Variants in ZDHHC2 observed in about 807,000 individuals in gnomAD.
The protein encoded by ZDHHC2 is zDHHC palmitoyltransferase 2, also known as palmitoyltransferase ZDHHC2.
ZDHHC2 carries 51 observed loss-of-function variants against 55.6 expected under a neutral mutation model. The ratio of observed to expected loss-of-function variants is 0.92; its 90% CI spans 0.73 to 1.16. ZDHHC2 has a LOEUF of 1.16. Ranked by LOEUF, ZDHHC2 falls within the 50% of genes most tolerant of loss-of-function variation. The pLI, the probability that ZDHHC2 is intolerant of heterozygous loss-of-function variation, is 0.00. For synonymous variants in ZDHHC2, 199 were observed against 152.9 expected (o/e 1.30, Z -2.22); for missense variants, 491 against 442.4 (o/e 1.11, Z -0.99).
At chr8:17,195,719 C>T (rs2150922441) in intron 4 of ZDHHC2, 95 bp downstream of exon 4, 3 of 1,475,694 alleles carry the variant, frequency 2.0e-6, no homozygotes, top group East Asian at 2.3e-5. Context: ...AATGGTAAAA[C>T]ACTCATTTCA....
chr8:17,164,144 T>C (rs963481707), intron 1 of ZDHHC2, among the ~76,000 whole-genome samples: 2 of 152,208 alleles, frequency 1.3e-5, no homozygotes, highest in Non-Finnish European at 2.9e-5. Flanking sequence ...TTCAAAATGA[T>C]AATATCACAC....
intron 1 of ZDHHC2, among the ~76,000 whole-genome samples, chr8:17,178,872 CTG>C (rs1307935985): frequency 2.6e-5 from 4 of 152,196 alleles, no homozygotes; most frequent in Admixed American, 6.6e-5. Flanking sequence ...TAACAAAAAA[CTG>C]TCACTCTTAT....
chr8:17,189,422 C>T (rs1397298237), intron 3 of ZDHHC2, among the ~76,000 whole-genome samples: 1 of 152,218 alleles, frequency 6.6e-6, no homozygotes, highest in Non-Finnish European at 1.5e-5. Flanking sequence ...ATGTAGGTTC[C>T]ATAAGGGCGT....
chr8:17,182,648 C>CAAT (rs146871176), intron 1 of ZDHHC2, among the ~76,000 whole-genome samples: 31 of 151,404 alleles, frequency 2.0e-4, no homozygotes, highest in Middle Eastern at 6.9e-3. Context: ...CTGTGAATGG[C>CAAT]AATAATAATA....
intron 1 of ZDHHC2, among the ~76,000 whole-genome samples, chr8:17,158,311 C>T (rs368909269): frequency 6.6e-6 from 1 of 152,190 alleles, no homozygotes; most frequent in African/African-American, 2.4e-5. Flanking sequence ...TGTTTCATTC[C>T]TTCGTCCTCT....
chr8:17,203,561 G>C (rs1028630524), intron 6 of ZDHHC2, among the ~76,000 whole-genome samples: 9 of 152,024 alleles, frequency 5.9e-5, no homozygotes, highest in Admixed American at 6.5e-5. Context: ...AAAGCACCCA[G>C]CTTTTGCCTA....
intron 11 of ZDHHC2, 37 bp from the exon 12 acceptor site, chr8:17,217,135 A>G: frequency 6.2e-7 from 1 of 1,603,546 alleles, no homozygotes; most frequent in East Asian, 2.2e-5. Flanking sequence ...TTTGTTCAAA[A>G]GCAACCAAAA....
intron 1 of ZDHHC2, chr8:17,162,674 A>T (rs903600359): frequency 1.3e-5 from 2 of 152,208 alleles, no homozygotes; most frequent in African/African-American, 4.8e-5. Context: ...CAAGAAAAAA[A>T]ACAGCCTCTG....
At chr8:17,187,185 A>G (rs915277980) in intron 3 of ZDHHC2, among the ~76,000 whole-genome samples, 1 of 152,330 alleles carries the variant, frequency 6.6e-6, no homozygotes, top group African/African-American at 2.4e-5. Flanking sequence ...CTGAGAGACA[A>G]CTAGCAATCT....
At chr8:17,191,527 T>A (rs1449285691) in intron 3 of ZDHHC2, among the ~76,000 whole-genome samples, 1 of 152,246 alleles carries the variant, frequency 6.6e-6, no homozygotes, top group Non-Finnish European at 1.5e-5. Flanking sequence ...TTTAGTTGTT[T>A]TAATTTTTAG....
intron 6 of ZDHHC2, among the ~76,000 whole-genome samples, chr8:17,202,162 C>G (rs1166011808): frequency 1.3e-5 from 2 of 152,184 alleles, no homozygotes; most frequent in Non-Finnish European, 2.9e-5. Flanking sequence ...CGGTTATGTT[C>G]TAGAGGCCAT....
rs756755761 is a variant in ZDHHC2, at chr8:17,156,716, G to T, written c.-8G>T. The T allele has an allele frequency of 1.4e-6, 2 of 1,465,866 alleles. No homozygotes were observed. The highest frequency in any genetic ancestry group is 1.8e-6 in the Non-Finnish European group (2 of 1,106,034). 90.8% of individuals were successfully genotyped at this position (1,465,866 alleles called of 1,614,324 possible). On this transcript the variant is annotated 5_prime_UTR_variant, in exon 1 of 13. Coordinates refer to ENST00000262096, the MANE Select transcript of ZDHHC2 (RefSeq NM_016353.5). ...CGGCGGAGCTGGGCAGGTGGATGCG[G>T]CTGGAAGATGGCGCCCTCGGGCCCG...
intron 1 of ZDHHC2, among the ~76,000 whole-genome samples, chr8:17,168,392 G>T (rs1804704865): frequency 1.3e-5 from 2 of 152,304 alleles, no homozygotes; most frequent in South Asian, 4.1e-4. Flanking sequence ...GAAGTGACCA[G>T]AGGTGAGAAA....
chr8:17,209,888 A>AAT, intron 8 of ZDHHC2, 44 bp from the exon 9 acceptor site: 1 of 1,555,064 alleles, frequency 6.4e-7, no homozygotes, highest in African/African-American at 1.4e-5. Flanking sequence ...ATTGCTAGTA[A>AAT]ATATGTTCTT....
intron 11 of ZDHHC2, 112 bp from the exon 12 acceptor site, chr8:17,217,060 C>A: frequency 1.0e-6 from 1 of 969,212 alleles, no homozygotes; most frequent in Non-Finnish European, 1.6e-6. Context: ...TTATTATGTA[C>A]AAGGCACCTT....
chr8:17,197,342 A>G (rs1806369641), intron 4 of ZDHHC2, among the ~76,000 whole-genome samples: 3 of 152,232 alleles, frequency 2.0e-5, no homozygotes, highest in Admixed American at 2.0e-4. Context: ...TGACAATTGA[A>G]AAAGCATCAG....
At chr8:17,206,328 A>T (rs1807101035) in intron 7 of ZDHHC2, among the ~76,000 whole-genome samples, 1 of 152,196 alleles carries the variant, frequency 6.6e-6, no homozygotes. Context: ...TCAATAATGT[A>T]TATTAAATAA....
chr8:17,208,044 C>G lies in ZDHHC2; in HGVS notation c.682C>G (p.Leu228Val), dbSNP rs750677497. Residue 228 changes from leucine (L) to valine (V), a missense_variant, in exon 8 of 13, where the codon CTG becomes GTG. Physicochemically the swap from Leu to Val is conservative, Grantham distance 32. Coordinates refer to ENST00000262096, the MANE Select transcript of ZDHHC2 (RefSeq NM_016353.5). The stretch of plus-strand genomic sequence containing the variant: ...TATGTTTTCTGTCAGCTTGTCTTCT[C>G]TGTTTGGCTATCATTGTTGGCTAGT... The part of the protein sequence containing the change: ...AAMFSVSLSS[L>V]FGYHCWLVSK... The G allele has an allele frequency of 2.4e-5, 38 of 1,592,570 alleles. No individual in the cohort carries two copies. Among genetic ancestry groups the G allele is most frequent in the Non-Finnish European group, 2.6e-5 (30 of 1,168,342 alleles).
chr8:17,204,506 A>C (rs1426131838), intron 6 of ZDHHC2, among the ~76,000 whole-genome samples: 1 of 152,254 alleles, frequency 6.6e-6, no homozygotes, highest in Non-Finnish European at 1.5e-5. Context: ...TATCACATTG[A>C]CACAAGGTCA....
Sources: allele counts gnomAD v4.1 joint callset (sites outside exome capture counted in the v4.1 genomes callset), GRCh38; gene constraint gnomAD v4.1.1; transcripts MANE v1.5; gene names NCBI Gene and HGNC (gene_info 2026-07-23, HGNC 2026-07-21).